Variants in ADAMTS20 observed in about 807,000 individuals in gnomAD.
ADAMTS20 encodes the protein A disintegrin and metalloproteinase with thrombospondin motifs 20.
ADAMTS20 carries 225 observed loss-of-function variants against 260.1 expected under a neutral mutation model. The ratio of observed to expected loss-of-function variants is 0.87; its 90% confidence interval spans 0.78 to 0.97. The LOEUF (loss-of-function observed/expected upper bound fraction) is 0.97. Ranked by LOEUF, ADAMTS20 falls within the 50% of genes least tolerant of loss-of-function variation. The pLI is 0.00. For missense variants in ADAMTS20, 2,400 were observed against 2,337.7 expected (o/e 1.03, Z -0.55); for synonymous variants, 802 against 769.5 (o/e 1.04, Z -0.70).
At chr12:43,400,444 T>C (rs1469941422) in intron 28 of ADAMTS20, among the ~76,000 whole-genome samples, 1 of 152,058 alleles carries the variant, frequency 6.6e-6, no homozygotes, top group Non-Finnish European at 1.5e-5. Flanking sequence ...AATAATGCAT[T>C]GATTATTAAG....
chr12:43,440,755 A>C (rs1941647960), intron 16 of ADAMTS20, among the ~76,000 whole-genome samples: 1 of 152,152 alleles, frequency 6.6e-6, no homozygotes, highest in Non-Finnish European at 1.5e-5. Context: ...AGGAGCAGCC[A>C]GACTGCTGCA....
chr12:43,470,761 C>A (rs1942241167), intron 7 of ADAMTS20, among the ~76,000 whole-genome samples: 1 of 152,166 alleles, frequency 6.6e-6, no homozygotes, highest in Non-Finnish European at 1.5e-5. Context: ...AACAGAAAAT[C>A]TAGTAATTAC....
chr12:43,520,282 GT>G (rs1200533212), intron 3 of ADAMTS20, among the ~76,000 whole-genome samples: 3 of 152,054 alleles, frequency 2.0e-5, no homozygotes, highest in African/African-American at 4.8e-5. Context: ...TTAAGTTAAA[GT>G]TTTAACATCA....
At chr12:43,385,341 G>A (rs574125628) in intron 29 of ADAMTS20, among the ~76,000 whole-genome samples, 115 of 152,228 alleles carry the variant, frequency 7.6e-4, no homozygotes, top group African/African-American at 2.6e-3. Flanking sequence ...GTAGATTCTG[G>A]ATATTAGCGC....
rs1304913953 is a variant in ADAMTS20, at chr12:43,432,786, A to T, written c.2746T>A (p.Cys916Ser). The change falls in exon 20 of 39, where the codon TGT becomes AGT. Residue 916 changes from cysteine (C) to serine (S), a missense_variant. By Grantham distance (112) the Cys-to-Ser change is moderately radical (BLOSUM62 -1). Transcript: ENST00000389420. ...TATCCTTGACCACATTGGGATGAAC[A>T]TTCACTTTTGCCAATAACATGCCAC... ...LRWHVIGKSECSSQCGQGYRT... is the reference protein window; with the variant it reads ...LRWHVIGKSESSSQCGQGYRT... 6.2e-7 allele frequency: 1 copy of T among 1,613,798 alleles called. No individual in the cohort carries two copies. The highest frequency in any genetic ancestry group is 8.5e-7 in the Non-Finnish European group (1 of 1,179,820).
At position 43,424,714 on chromosome 12, in the gene ADAMTS20, A is replaced by T. The variant is rs898688860; in HGVS notation, c.4284+800T>A. On this transcript the variant is annotated intron_variant, in intron 28 of 38. Transcript: ENST00000389420. Reference sequence around the variant, plus strand: ...AAGCACAACGTCAACATTATATATAAACATAAATAATATAATAGTCCTGAT... The same window carrying T: ...AAGCACAACGTCAACATTATATATATACATAAATAATATAATAGTCCTGAT... 4.9e-4 allele frequency among the ~76,000 whole-genome samples: 75 copies of T among 152,184 alleles called. 1 individual carries two copies. The highest frequency in any genetic ancestry group is 1.7e-3 in the African/African-American group (70 of 41,574).
chr12:43,469,417 A>G (rs899043168), intron 7 of ADAMTS20, among the ~76,000 whole-genome samples: 77 of 152,280 alleles, frequency 5.1e-4, no homozygotes, highest in African/African-American at 1.8e-3. Flanking sequence ...GACAGCAATA[A>G]TTATCATATA....
At position 43,502,297 on chromosome 12, in the gene ADAMTS20, G is replaced by A. The variant is rs1005720002; in HGVS notation, c.722C>T (p.Pro241Leu). The change falls in exon 4 of 39, where the codon CCA becomes CTA. Residue 241 changes from proline (P) to leucine (L), a missense_variant. Transcript: ENST00000389420. The part of the protein sequence containing the change: ...RVLGHTSKNV[P>L]LKDERRHSRK... The stretch of plus-strand genomic sequence containing the variant: ...GGAATGTCTTCTTTCATCTTTCAAT[G>A]GTACATTTTTTGATGTGTGTCCTAA... The A allele has an allele frequency of 1.2e-6, 2 of 1,611,528 alleles. No individual in the cohort carries two copies. The highest frequency in any genetic ancestry group is 2.7e-5 in the African/African-American group (2 of 74,672).
chr12:43,532,073 G>C lies in ADAMTS20; in HGVS notation c.576C>G (p.Asn192Lys), dbSNP rs1943228880. The C allele has an allele frequency of 1.9e-6, 3 of 1,606,360 alleles. No homozygotes were observed. The highest frequency in any genetic ancestry group is 1.3e-5 in the African/African-American group (1 of 74,566). ...PHLIYRQDLNNSFLQTLKYCS... is the reference protein window; with the variant it reads ...PHLIYRQDLNKSFLQTLKYCS... ...AATACTTCAGAGTCTGCAGAAAAGAGTTATTTAAGTCTTGTCTGTATATAA... is the reference window on the plus strand; with the variant it reads ...AATACTTCAGAGTCTGCAGAAAAGACTTATTTAAGTCTTGTCTGTATATAA... Residue 192 changes from asparagine to lysine, a missense_variant, in exon 3 of 39, where the codon AAC (asparagine) becomes AAG (lysine). By Grantham distance (94) the Asn-to-Lys change is moderately conservative. Coordinates refer to ENST00000389420, the MANE Select transcript of ADAMTS20 (RefSeq NM_025003.5).
At chr12:43,449,874 A>G (rs946542901) in intron 14 of ADAMTS20, among the ~76,000 whole-genome samples, 1 of 152,190 alleles carries the variant, frequency 6.6e-6, no homozygotes. Flanking sequence ...TTAAAAAGAC[A>G]GTATCCCAGA....
chr12:43,371,998 G>T (rs1309672180), intron 36 of ADAMTS20, among the ~76,000 whole-genome samples: 1 of 152,214 alleles, frequency 6.6e-6, no homozygotes, highest in East Asian at 1.9e-4. Context: ...GGGTTTGACA[G>T]CAGGTTTGGC....
At chr12:43,471,228 C>T (rs571964390) in intron 7 of ADAMTS20, among the ~76,000 whole-genome samples, 2 of 152,232 alleles carry the variant, frequency 1.3e-5, no homozygotes, top group Middle Eastern at 3.4e-3. Flanking sequence ...GGGTGACGGA[C>T]GCACCTGGAA....
In ADAMTS20 at chr12:43,438,179, C is replaced by T. The variant is rs866642849; in HGVS notation, c.2593+1443G>A. ...ACTCTCCTGCTTTGGACTCCCAAAT[C>T]GTCTCCCACCATGTTTTTCCAAACT... On this transcript the variant is annotated intron_variant, in intron 18 of 38. Transcript: ENST00000389420. 4.6e-5 allele frequency among the ~76,000 whole-genome samples: 7 copies of T among 152,174 alleles called. No individual in the cohort carries two copies. In the South Asian group the frequency reaches 1.2e-3, roughly 27 times the overall value.
chr12:43,479,822 C>A (rs1048070883), intron 7 of ADAMTS20, among the ~76,000 whole-genome samples: 1 of 151,886 alleles, frequency 6.6e-6, no homozygotes, highest in Non-Finnish European at 1.5e-5. Flanking sequence ...AGAAAGACAA[C>A]AAAGAGCAGA....
chr12:43,496,828 G>A (rs1279509615), intron 4 of ADAMTS20, among the ~76,000 whole-genome samples: 1 of 151,992 alleles, frequency 6.6e-6, no homozygotes, highest in African/African-American at 2.4e-5. Flanking sequence ...ATCTTGAATA[G>A]GCTAACACAC....
At chr12:43,485,134 C>T (rs1351972459) in intron 7 of ADAMTS20, among the ~76,000 whole-genome samples, 1 of 138,342 alleles carries the variant, frequency 7.2e-6, no homozygotes, top group Admixed American at 7.1e-5. Flanking sequence ...ACAACAAAAC[C>T]ACTACTGAAC....
At chr12:43,387,378 G>T (rs368538327) in intron 29 of ADAMTS20, among the ~76,000 whole-genome samples, 3 of 152,148 alleles carry the variant, frequency 2.0e-5, no homozygotes, top group Admixed American at 2.0e-4. Context: ...TCCCAGAGGG[G>T]CACCCATCAG....
At chr12:43,506,231 A>G (rs920786513) in intron 3 of ADAMTS20, among the ~76,000 whole-genome samples, 1 of 152,008 alleles carries the variant, frequency 6.6e-6, no homozygotes, top group African/African-American at 2.4e-5. Flanking sequence ...CAAATAAGCC[A>G]GTTTTTTTTT....
intron 2 of ADAMTS20, among the ~76,000 whole-genome samples, chr12:43,534,939 C>A (rs55687504): frequency 0.11 from 17,245 of 151,950 alleles, 1,355 homozygotes; most frequent in African/African-American, 0.22. Context: ...AAATGTTTCC[C>A]TGCTTCCCAC....
Sources: gnomAD v4.1 joint callset for allele counts (sites outside exome capture counted in the v4.1 genomes callset) on GRCh38, gnomAD v4.1.1 for gene constraint, MANE v1.5 for transcripts, NCBI Gene and HGNC (gene_info 2026-07-23, HGNC 2026-07-21) for gene names.